Variants in TNPO3 observed in about 807,000 individuals in gnomAD.
TNPO3 encodes the protein transportin-3.
Under a neutral mutation model 122.8 loss-of-function variants are expected in TNPO3, and 65 were observed. That is an observed-to-expected ratio of 0.53 (90% CI 0.43 to 0.65). TNPO3 has a LOEUF of 0.65. TNPO3 is among the 30% of genes least tolerant of loss of function. The probability of loss-of-function intolerance (pLI) is 0.00; values close to 1 mark genes in which losing one functional copy is unlikely to be tolerated. For missense variants in TNPO3, 850 were observed against 1,136.7 expected, an observed-to-expected ratio of 0.75 and a Z score of 3.63; for synonymous variants, 372 against 411.2, an observed-to-expected ratio of 0.90 and a Z score of 1.15.
chr7:129,039,601 T>A (rs1169684896), intron 1 of TNPO3, among the ~76,000 whole-genome samples: 1 of 152,018 alleles, frequency 6.6e-6, no homozygotes. Context: ...AATCCAAAAA[T>A]TTCAACAGCA....
rs941487952 is a variant in TNPO3, at chr7:128,955,229, G to C, written c.*188C>G. The stretch of plus-strand genomic sequence containing the variant: ...GATTTTCCCTCACACCCCCAAACAG[G>C]AACTCCTCAGGATGGCCTCAGAAGG... On this transcript the variant is annotated 3_prime_UTR_variant, in exon 23 of 23. Transcript: ENST00000265388. The C allele has an allele frequency of 4.8e-6, 2 of 419,046 alleles. No homozygotes were observed. Among genetic ancestry groups the C allele is most frequent in the African/African-American group, 2.1e-5 (1 of 46,768 alleles). 26.0% of individuals were successfully genotyped at this position (419,046 alleles called of 1,614,324 possible).
rs571187348 is a variant in TNPO3 at position 128,995,300 on chromosome 7, T to A, written c.1159-1386A>T. ...CCTATTCCAAACACTTCTGTATCTT[T>A]CCTATTCTGACACACTTCTGTAAAC... On this transcript the variant is annotated intron_variant, in intron 8 of 22. Coordinates refer to ENST00000265388, the MANE Select transcript of TNPO3 (RefSeq NM_012470.4). 3.3e-5 allele frequency among the ~76,000 whole-genome samples: 5 copies of A among 152,324 alleles called. No homozygotes were observed. In the South Asian group the frequency reaches 6.2e-4, roughly 19 times the overall value.
upstream of TNPO3, chr7:129,056,043 G>A: frequency 8.8e-7 from 1 of 1,141,702 alleles, no homozygotes; most frequent in Non-Finnish European, 1.3e-6. Context: ...GAAGTTCTTC[G>A]TGGGGAGGAA....
In TNPO3 at chr7:129,016,974, ATTAC is replaced by A; in HGVS notation, c.395+5_395+8del. 1 of 1,612,830 alleles carries A rather than the reference ATTAC, an allele frequency of 6.2e-7. No individual in the cohort carries two copies. Among genetic ancestry groups the A allele is most frequent in the Non-Finnish European group, 8.5e-7 (1 of 1,179,736 alleles). On this transcript the variant is annotated splice_donor_5th_base_variant and intron_variant, in intron 3 of 22. Coordinates refer to ENST00000265388, the MANE Select transcript of TNPO3 (RefSeq NM_012470.4). Reference sequence around the variant, plus strand: ...AAATGCTAATATAGAGTCAATACAAATTACTTACTTTTCCACCAGTGTTTGCACA... The same window carrying A: ...AAATGCTAATATAGAGTCAATACAAATTACTTTTCCACCAGTGTTTGCACA...
chr7:129,034,636 T>A (rs1277863096), intron 1 of TNPO3, among the ~76,000 whole-genome samples: 1 of 151,896 alleles, frequency 6.6e-6, no homozygotes, highest in African/African-American at 2.4e-5. Flanking sequence ...ACGCCTGTAA[T>A]CCCAGCACTT....
chr7:129,004,910 G>A (rs888540639), intron 5 of TNPO3, 106 bp downstream of exon 5: 29 of 1,040,882 alleles, frequency 2.8e-5, no homozygotes, highest in East Asian at 5.0e-5. Flanking sequence ...CTTAATACAC[G>A]CCTTCCAGTT....
chr7:129,039,109 T>C (rs1807054590), intron 1 of TNPO3, among the ~76,000 whole-genome samples: 1 of 152,014 alleles, frequency 6.6e-6, no homozygotes, highest in African/African-American at 2.4e-5. Context: ...CAATGAGATA[T>C]CACTTCATAC....
intron 19 of TNPO3, among the ~76,000 whole-genome samples, chr7:128,971,444 C>A (rs1226761612): frequency 6.6e-6 from 1 of 152,210 alleles, no homozygotes. Flanking sequence ...CTGCGCCTGG[C>A]CCTTCTTGTG....
chr7:128,984,444 TG>T (rs1360548278), intron 12 of TNPO3, among the ~76,000 whole-genome samples, 185 bp from the exon 13 acceptor site: 1 of 152,238 alleles, frequency 6.6e-6, no homozygotes, highest in East Asian at 1.9e-4. Context: ...TATTCTTTAT[TG>T]GGCTCAGAAG....
At position 129,015,119 on chromosome 7, in the gene TNPO3, T is replaced by A; in HGVS notation, c.412A>T (p.Thr138Ser). 3 of 1,610,798 alleles carry A rather than the reference T, an allele frequency of 1.9e-6. No homozygotes were observed. The highest frequency in any genetic ancestry group is 2.5e-6 in the Non-Finnish European group (3 of 1,179,356). The change falls in exon 4 of 23, where the codon ACT (threonine) becomes TCT (serine). Residue 138 changes from threonine to serine, a missense_variant. Transcript: ENST00000265388. The stretch of plus-strand genomic sequence containing the variant: ...ATCTCCAGCAAAAAAGGCAAAGAAG[T>A]CACATCATTGCTGTATCTGCAAAAG... The part of the protein sequence containing the change: ...TLVEKYSNDV[T>S]SLPFLLEILT...
chr7:128,962,076 A>G (rs1282934940), intron 21 of TNPO3, among the ~76,000 whole-genome samples: 1 of 152,180 alleles, frequency 6.6e-6, no homozygotes, highest in Non-Finnish European at 1.5e-5. Flanking sequence ...TAAAAAAGCT[A>G]GGGAATTGGC....
At chr7:129,027,208 GT>G (rs1805295474) in intron 1 of TNPO3, among the ~76,000 whole-genome samples, 1 of 152,064 alleles carries the variant, frequency 6.6e-6, no homozygotes, top group Non-Finnish European at 1.5e-5. Flanking sequence ...TTTATCGGGT[GT>G]TTCAACTTTG....
chr7:129,035,469 C>T (rs1484498267), intron 1 of TNPO3, among the ~76,000 whole-genome samples: 2 of 152,014 alleles, frequency 1.3e-5, no homozygotes, highest in Admixed American at 1.3e-4. Context: ...AGAAATTAGC[C>T]AGATGTGGTG....
At position 129,004,510 on chromosome 7, in the gene TNPO3, A is replaced by T. The variant is rs568329004; in HGVS notation, c.696+506T>A. Reference sequence around the variant, plus strand: ...AGTATATAAAAAGACATTAGTACTTATTCTACTAATCTCAAAAACCCAAAT... The same window carrying T: ...AGTATATAAAAAGACATTAGTACTTTTTCTACTAATCTCAAAAACCCAAAT... On this transcript the variant is annotated intron_variant, in intron 5 of 22. Transcript: ENST00000265388. Among the ~76,000 whole-genome samples, 5 of 152,374 alleles carry T rather than the reference A, an allele frequency of 3.3e-5. No homozygotes were observed. The South Asian group carries it at 1.0e-3, about 32-fold the overall frequency.
At chr7:128,983,738 A>ACAGCCCATCTTTT (rs71526077) in intron 13 of TNPO3, among the ~76,000 whole-genome samples, 13,713 of 150,004 alleles carry the variant, frequency 0.091, 858 homozygotes, top group South Asian at 0.16. Context: ...CCACTTCAAG[A>ACAGCCCATCTTTT]CAGCCCATCT....
At chr7:129,015,298 A>C (rs1460631994) in intron 3 of TNPO3, among the ~76,000 whole-genome samples, 163 bp from the exon 4 acceptor site, 3 of 152,244 alleles carry the variant, frequency 2.0e-5, no homozygotes, top group African/African-American at 7.2e-5. Flanking sequence ...TAATTAGTTA[A>C]GATTAAAAAA....
chr7:129,007,792 G>A (rs1297163975), intron 4 of TNPO3, among the ~76,000 whole-genome samples: 1 of 152,192 alleles, frequency 6.6e-6, no homozygotes, highest in East Asian at 1.9e-4. Context: ...ATAGACTTCT[G>A]AGACATCTGT....
chr7:128,986,973 C>T (rs1427981187), intron 11 of TNPO3, 53 bp from the exon 12 acceptor site: 3 of 1,513,214 alleles, frequency 2.0e-6, no homozygotes, highest in Non-Finnish European at 2.7e-6. Context: ...AGGAAAACTT[C>T]TAGTTTATTA....
intron 8 of TNPO3, among the ~76,000 whole-genome samples, chr7:128,994,365 C>T (rs1801077130): frequency 6.6e-6 from 1 of 152,068 alleles, no homozygotes; most frequent in Admixed American, 6.6e-5. Flanking sequence ...ACCATGTTGG[C>T]CAGGCTGGTC....
Sources: gnomAD v4.1 joint callset for allele counts (sites outside exome capture counted in the v4.1 genomes callset) on GRCh38, gnomAD v4.1.1 for gene constraint, MANE v1.5 for transcripts, NCBI Gene and HGNC (gene_info 2026-07-23, HGNC 2026-07-21) for gene names.